TYK2: variants seen among roughly 807,000 people sequenced by gnomAD.
TYK2 encodes the protein non-receptor tyrosine-protein kinase TYK2.
Under a neutral mutation model 130.9 loss-of-function variants are expected in TYK2, and 65 were observed. The observed-to-expected ratio is 0.50, with a 90% CI of 0.41 to 0.61. The LOEUF (loss-of-function observed/expected upper bound fraction) is 0.61. Among genes scored for constraint, TYK2 ranks in the 20% least tolerant of loss-of-function variants. The pLI, the probability that TYK2 is intolerant of heterozygous loss-of-function variation, is 0.00. For synonymous variants in TYK2, 647 were observed against 658.9 expected, an observed-to-expected ratio of 0.98 and a Z score of 0.28; for missense variants, 1,378 against 1,610.7, an observed-to-expected ratio of 0.86 and a Z score of 2.47.
intron 3 of TYK2, among the ~76,000 whole-genome samples, chr19:10,374,279 A>C (rs1006322958): frequency 1.3e-4 from 19 of 150,016 alleles, no homozygotes; most frequent in African/African-American, 4.2e-4. Context: ...CAACACAACA[A>C]AACAAAACAA....
At chr19:10,373,837 CTCAAAATTGATACCCCAG>C (rs2042010708) in intron 3 of TYK2, among the ~76,000 whole-genome samples, 1 of 152,090 alleles carries the variant, frequency 6.6e-6, no homozygotes, top group South Asian at 2.1e-4. Flanking sequence ...CTTCCAAACT[CTCAAAATTGATACCCCAG>C]TCACCCTGAA....
chr19:10,364,820 G>GC lies in TYK2; in HGVS notation c.1209+30dup. 1 of 1,613,936 alleles carries GC rather than the reference G, an allele frequency of 6.2e-7. No homozygotes were observed. Among genetic ancestry groups the GC allele is most frequent in the Non-Finnish European group, 8.5e-7 (1 of 1,180,036 alleles). ...TGGGTGTCCTCCCAGGCCATGATGG[G>GC]CCCTAGCCCAGCCCCTACCCTGGGC... On this transcript the variant is annotated intron_variant, in intron 8 of 24. Coordinates refer to ENST00000525621, the MANE Select transcript of TYK2 (RefSeq NM_003331.5). This position sits in a 1 kb window ranked among gnomAD's most constrained non-coding sequence, Gnocchi z 4.9.
At position 10,380,474 on chromosome 19, in the gene TYK2, C is replaced by G. The variant is rs2042323680; in HGVS notation, c.-280G>C. ...CCCGCGGCTTCTTCCTGAGGACCTC[C>G]GGCCGCGCTCCTTCCGCGCCCGCGT... On this transcript the variant is annotated 5_prime_UTR_variant, in exon 1 of 25. Coordinates refer to ENST00000525621, the MANE Select transcript of TYK2 (RefSeq NM_003331.5). 6.6e-6 allele frequency: 1 copy of G among 152,564 alleles called. No homozygotes were observed. Among genetic ancestry groups the G allele is most frequent in the Non-Finnish European group, 1.5e-5 (1 of 68,180 alleles). 9.5% of individuals were successfully genotyped at this position (152,564 alleles called of 1,614,324 possible).
chr19:10,370,687 G>T (rs1486556197), intron 3 of TYK2, among the ~76,000 whole-genome samples: 2 of 151,088 alleles, frequency 1.3e-5, no homozygotes, highest in Non-Finnish European at 2.9e-5. Context: ...GTGTGGGGGT[G>T]AGCACCTGTA....
intron 10 of TYK2, 39 bp downstream of exon 10, chr19:10,362,510 G>C: frequency 2.6e-6 from 4 of 1,560,404 alleles, no homozygotes; most frequent in Non-Finnish European, 3.5e-6. Flanking sequence ...GGCAGGGAAC[G>C]TGTCCAGCCC....
chr19:10,365,526 G>T lies in TYK2; in HGVS notation c.1002C>A (p.Asn334Lys), dbSNP rs1398063368. Residue 334 changes from asparagine to lysine, a missense_variant, in exon 7 of 25, where the codon AAC becomes AAA. By Grantham distance (94) the Asn-to-Lys change is moderately conservative (BLOSUM62 0). Coordinates refer to ENST00000525621, the MANE Select transcript of TYK2 (RefSeq NM_003331.5). ...IQWWPVEEEV[N>K]KEEGSSGSSG... The stretch of plus-strand genomic sequence containing the variant: ...GGGGCGCCTTGCTCACCTCCTCCTT[G>T]TTCACCTCCTCCTCTACTGGCCACC... The T allele has an allele frequency of 1.2e-6, 2 of 1,613,900 alleles. No homozygotes were observed. Among genetic ancestry groups the T allele is most frequent in the Non-Finnish European group, 1.7e-6 (2 of 1,179,986 alleles).
intron 23 of TYK2, 77 bp from the exon 24 acceptor site, chr19:10,351,239 C>A: frequency 8.2e-7 from 1 of 1,213,970 alleles, no homozygotes. Flanking sequence ...GTAATCCCAG[C>A]ACTTTGGAAG....
In TYK2 at chr19:10,361,691, C is replaced by T. The variant is rs537583653; in HGVS notation, c.1959+79G>A. 4 of 1,579,100 alleles carry T rather than the reference C, an allele frequency of 2.5e-6. No individual in the cohort carries two copies. The South Asian group carries it at 3.3e-5, about 13-fold the overall frequency. On this transcript the variant is annotated intron_variant, in intron 13 of 24. Coordinates refer to ENST00000525621, the MANE Select transcript of TYK2 (RefSeq NM_003331.5). This position sits in a 1 kb window ranked among gnomAD's most constrained non-coding sequence, Gnocchi z 4.0. ...CACCCCTCCCATCCCACCTCCTCCA[C>T]AGACACACCCCTCCCATCCCACCTC...
chr19:10,361,794 G>A lies in TYK2; in HGVS notation c.1935C>T (p.Asp645=). 6.2e-7 allele frequency: 1 copy of A among 1,613,782 alleles called. No individual in the cohort carries two copies. The highest frequency in any genetic ancestry group is 8.5e-7 in the Non-Finnish European group (1 of 1,179,968). The change falls in exon 13 of 25, where the codon GAC becomes GAT. Residue 645 remains aspartate, a synonymous_variant. Transcript: ENST00000525621. The surrounding 1 kb of genome is among the most constrained non-coding windows in gnomAD (Gnocchi z 4.0). The stretch of plus-strand genomic sequence containing the variant: ...CCAGGGCGATGTCATGGTGACTAGG[G>A]TCCAGCACTTTGAGCACCACTCGTA... ...QELRVVLKVL[D]PSHHDIALAF...
intron 19 of TYK2, 105 bp from the exon 20 acceptor site, chr19:10,354,339 C>G: frequency 6.9e-7 from 1 of 1,442,576 alleles, no homozygotes; most frequent in Non-Finnish European, 9.6e-7. Flanking sequence ...TTTCGGAATA[C>G]CCCAGGCCCC....
At chr19:10,358,612 T>A (rs1021614568) in intron 15 of TYK2, among the ~76,000 whole-genome samples, 1 of 152,032 alleles carries the variant, frequency 6.6e-6, no homozygotes, top group Non-Finnish European at 1.5e-5. Flanking sequence ...AGTTACCACA[T>A]TGGCTAATTT....
At position 10,351,103 on chromosome 19, in the gene TYK2, C is replaced by G. The variant is rs878967376; in HGVS notation, c.3378G>C (p.Glu1126Asp). 5 of 1,614,164 alleles carry G rather than the reference C, an allele frequency of 3.1e-6. No individual in the cohort carries two copies. The South Asian group carries it at 5.5e-5, about 18-fold the overall frequency. Residue 1126 changes from glutamate (E) to aspartate (D), a missense_variant, in exon 24 of 25, where the codon GAG becomes GAC. Physicochemically the swap from Glu to Asp is conservative, Grantham distance 45 (BLOSUM62 2). Transcript: ENST00000525621. ...GCAGCCTCTCCCCTCGTTCCAGCAACTCAGTGAGTCTCAGAACTGTCATCT... is the reference window on the plus strand; with the variant it reads ...GCAGCCTCTCCCCTCGTTCCAGCAAGTCAGTGAGTCTCAGAACTGTCATCT... ...QGQMTVLRLT[E>D]LLERGERLPR...
intron 18 of TYK2, among the ~76,000 whole-genome samples, chr19:10,355,416 G>A (rs2041043360): frequency 6.6e-6 from 1 of 152,112 alleles, no homozygotes; most frequent in Non-Finnish European, 1.5e-5. Flanking sequence ...GAGGAGGGTG[G>A]ATCACCTGAG....
chr19:10,365,134 C>T, intron 7 of TYK2, 86 bp from the exon 8 acceptor site: 1 of 1,416,908 alleles, frequency 7.1e-7, no homozygotes, highest in Non-Finnish European at 9.4e-7. Context: ...GAGACTGGAG[C>T]CAGAAGGGCC....
intron 3 of TYK2, among the ~76,000 whole-genome samples, chr19:10,374,063 G>A (rs1456170319): frequency 9.2e-5 from 14 of 151,892 alleles, no homozygotes; most frequent in Non-Finnish European, 1.5e-4. Flanking sequence ...TCAGGAGATC[G>A]AGACCATCCT....
chr19:10,365,658 G>A lies in TYK2; in HGVS notation c.870C>T (p.Pro290=). 1 of 1,613,614 alleles carries A rather than the reference G, an allele frequency of 6.2e-7. No homozygotes were observed. Among genetic ancestry groups the A allele is most frequent in the East Asian group, 2.2e-5 (1 of 44,876 alleles). Residue 290 remains proline, a synonymous_variant, in exon 7 of 25, where the codon CCC becomes CCT. Coordinates refer to ENST00000525621, the MANE Select transcript of TYK2 (RefSeq NM_003331.5). ...LRLLAQAEGE[P]CYIRDSGVAP... ...CCACCCCACTGTCCCGGATGTAGCA[G>A]GGCTCCCCCTCGGCCTGGGCCAGCA...
chr19:10,364,885 C>T lies in TYK2; in HGVS notation c.1175G>A (p.Cys392Tyr), dbSNP rs755894129. The change falls in exon 8 of 25, where the codon TGT (cysteine) becomes TAT (tyrosine). Residue 392 changes from cysteine (C) to tyrosine (Y), a missense_variant. Transcript: ENST00000525621. The surrounding 1 kb of genome is among the most constrained non-coding windows in gnomAD (Gnocchi z 4.9). The part of the protein sequence containing the change: ...DITHVVLKEH[C>Y]VSIHRQDNKC... ...GTTGTCCTGCCGGTGGATGCTGACA[C>T]AGTGCTCTTTCAGCACCACGTGGGT... 2 of 1,614,090 alleles carry T rather than the reference C, an allele frequency of 1.2e-6. No homozygotes were observed. The highest frequency in any genetic ancestry group is 1.1e-5 in the South Asian group (1 of 91,096).
intron 9 of TYK2, among the ~76,000 whole-genome samples, chr19:10,362,876 T>C (rs2041479383): frequency 6.6e-6 from 1 of 152,106 alleles, no homozygotes; most frequent in Non-Finnish European, 1.5e-5. Flanking sequence ...GTTTATTTGT[T>C]TGTATTTTTT....
At chr19:10,363,188 T>C (rs1385546604) in intron 9 of TYK2, among the ~76,000 whole-genome samples, 1 of 82,792 alleles carries the variant, frequency 1.2e-5, no homozygotes, top group African/African-American at 5.1e-5. Flanking sequence ...CTGATCTCTC[T>C]TTTTTTTTTT....
Sources: allele counts gnomAD v4.1 joint callset (sites outside exome capture counted in the v4.1 genomes callset), GRCh38; gene constraint gnomAD v4.1.1; non-coding constraint Gnocchi (gnomAD v3.1); transcripts MANE v1.5; gene names NCBI Gene and HGNC (gene_info 2026-07-23, HGNC 2026-07-21).